The following MAST3 variants were observed in gnomAD, a reference collection of about 807,000 sequenced individuals.
The protein encoded by MAST3 is microtubule associated serine/threonine kinase 3.
A neutral mutation model predicts 127.0 loss-of-function variants in MAST3; 43 were observed. That is an observed-to-expected ratio of 0.34 (90% confidence interval 0.27 to 0.44). The LOEUF (loss-of-function observed/expected upper bound fraction) is 0.44. Among genes scored for constraint, MAST3 ranks in the 20% least tolerant of loss-of-function variants. The pLI, the probability that MAST3 is intolerant of heterozygous loss-of-function variation, is 1.00. For missense variants in MAST3, 1,390 were observed against 1,919.1 expected (o/e 0.72, Z 5.15); for synonymous variants, 785 against 809.2 (o/e 0.97, Z 0.51).
chr19:18,107,744 G>T, intron 2 of MAST3, 126 bp downstream of exon 2: 1 of 1,074,090 alleles, frequency 9.3e-7, no homozygotes, highest in Non-Finnish European at 1.4e-6. Flanking sequence ...GTTCATTCTT[G>T]CCCTCGTGTT....
At position 18,128,447 on chromosome 19, in the gene MAST3, G is replaced by C. The variant is rs1278924602; in HGVS notation, c.1126G>C (p.Glu376Gln). The change falls in exon 12 of 28, where the codon GAG (glutamate) becomes CAG (glutamine). Residue 376 changes from glutamate to glutamine, a missense_variant. By Grantham distance (29) the Glu-to-Gln change is conservative (BLOSUM62 2). Around this residue, in one of 5 missense-constraint regions of MAST3, gnomAD observed 277 missense variants for 384.8 expected, o/e 0.72. Transcript: ENST00000687212. The stretch of plus-strand genomic sequence containing the variant: ...CGAAGAAGAACAGCCCCCAGCACCT[G>C]AGTCCCCAGAGGTGAGTAGCAGAGG... Reference protein sequence around the residue: ...HLEEEQPPAPESPESRALVGQ... With the variant: ...HLEEEQPPAPQSPESRALVGQ... 6.4e-7 allele frequency: 1 copy of C among 1,555,828 alleles called. No homozygotes were observed. The highest frequency in any genetic ancestry group is 1.4e-5 in the African/African-American group (1 of 73,202).
Position 18,143,953 on chromosome 19 carries a change from C to T in MAST3, c.2530C>T (p.Pro844Ser), listed in dbSNP as rs774842710. 3 of 1,605,182 alleles carry T rather than the reference C, an allele frequency of 1.9e-6. No homozygotes were observed. The highest frequency in any genetic ancestry group is 3.4e-5 in the Admixed American group (2 of 58,324). The change falls in exon 22 of 28, where the codon CCT becomes TCT. Residue 844 changes from proline to serine, a missense_variant. Pro to Ser is a moderately conservative substitution (Grantham distance 74). Coordinates refer to ENST00000687212, the MANE Select transcript of MAST3 (RefSeq NM_001393504.1). ...GAGGCCCGTCTTCATTCTAGGGGAGCCTGACCCCCCACCAGCGGCCACCCC... is the reference window on the plus strand; with the variant it reads ...GAGGCCCGTCTTCATTCTAGGGGAGTCTGACCCCCCACCAGCGGCCACCCC... ...PKRPVFILGE[P>S]DPPPAATPVM...
intron 1 of MAST3, among the ~76,000 whole-genome samples, chr19:18,106,708 A>T (rs2038094824): frequency 6.6e-6 from 1 of 151,424 alleles, no homozygotes; most frequent in South Asian, 2.1e-4. Context: ...AGTAGCTGGA[A>T]TTACAGGCAC....
chr19:18,108,050 G>A (rs971391774), intron 2 of MAST3, among the ~76,000 whole-genome samples: 7 of 152,124 alleles, frequency 4.6e-5, no homozygotes, highest in Non-Finnish European at 7.4e-5. Flanking sequence ...CAGCACTTTG[G>A]AAGGCTGAGG....
At chr19:18,139,193 TG>T (rs2042188500) in intron 20 of MAST3, 69 bp downstream of exon 20, 2 of 1,219,980 alleles carry the variant, frequency 1.6e-6, no homozygotes, top group African/African-American at 3.0e-5. Flanking sequence ...CTTTCGTATC[TG>T]TTTTTTGATT....
chr19:18,123,072 G>A (rs1336388297), intron 6 of MAST3, 145 bp from the exon 7 acceptor site: 1 of 881,808 alleles, frequency 1.1e-6, no homozygotes, highest in Middle Eastern at 2.3e-4. Flanking sequence ...CTAGGGTTTT[G>A]AGGGATGCAT....
intron 3 of MAST3, among the ~76,000 whole-genome samples, chr19:18,111,552 T>TTTTTTTTG (rs2038638116): frequency 7.2e-6 from 1 of 137,934 alleles, no homozygotes; most frequent in South Asian, 2.2e-4. Context: ...TTTTTTTTTT[T>TTTTTTTTG]GAGGCAGAGT....
intron 27 of MAST3, among the ~76,000 whole-genome samples, chr19:18,148,139 T>G (rs778665088): frequency 4.6e-4 from 70 of 151,998 alleles, no homozygotes; most frequent in Non-Finnish European, 9.0e-4. Context: ...CCGTCTGTAC[T>G]AAAAATACAA....
chr19:18,106,054 A>G (rs1195818802), intron 1 of MAST3, among the ~76,000 whole-genome samples: 1 of 152,156 alleles, frequency 6.6e-6, no homozygotes, highest in African/African-American at 2.4e-5. Flanking sequence ...ATACTTCTTC[A>G]TAAATACAAC....
Position 18,110,567 on chromosome 19 carries a change from A to C in MAST3, c.72-85A>C. On this transcript the variant is annotated intron_variant, in intron 2 of 27. Transcript: ENST00000687212. This position sits in a 1 kb window ranked among gnomAD's most constrained non-coding sequence, Gnocchi z 4.3. ...TCTTGGGCCCCTACTCCCTGAGGGAACCGCAGCCGCCATCCGGAGATCCGG... is the reference window on the plus strand; with the variant it reads ...TCTTGGGCCCCTACTCCCTGAGGGACCCGCAGCCGCCATCCGGAGATCCGG... 1 of 855,298 alleles carries C rather than the reference A, an allele frequency of 1.2e-6. No individual in the cohort carries two copies. The highest frequency in any genetic ancestry group is 1.4e-6 in the Non-Finnish European group (1 of 710,784). 53.0% of individuals were successfully genotyped at this position (855,298 alleles called of 1,614,324 possible).
Position 18,104,265 on chromosome 19 carries a change from G to A in MAST3, c.40-3322G>A, listed in dbSNP as rs368847962. ...GGAAGAAGGAGACCCTAATGGCCAC[G>A]GTGATGGTGGTGATGGTTCCATCAC... On this transcript the variant is annotated intron_variant, in intron 1 of 27. Transcript: ENST00000687212. Among the ~76,000 whole-genome samples the A allele has an allele frequency of 2.2e-4, 33 of 149,700 alleles. No homozygotes were observed. In the East Asian group the frequency reaches 5.1e-3, roughly 23 times the overall value.
rs765691434 is a variant in MAST3 at position 18,137,279 on chromosome 19, C to A, written c.2013C>A (p.Ala671=). The A allele has an allele frequency of 6.2e-7, 1 of 1,613,818 alleles. No homozygotes were observed. The highest frequency in any genetic ancestry group is 2.2e-5 in the East Asian group (1 of 44,874). ...HEVKQHPFFL[A]LDWAGLLRHK... Reference sequence around the variant, plus strand: ...TGAAGCAGCACCCCTTTTTCCTGGCCCTGGACTGGGCAGGGCTTCTCCGAC... The same window carrying A: ...TGAAGCAGCACCCCTTTTTCCTGGCACTGGACTGGGCAGGGCTTCTCCGAC... The change falls in exon 19 of 28, where the codon GCC becomes GCA. Residue 671 remains alanine (A), a synonymous_variant. Transcript: ENST00000687212.
At position 18,149,180 on chromosome 19, in the gene MAST3, A is replaced by G. The variant is rs750840854; in HGVS notation, c.3509-11A>G. On this transcript the variant is annotated splice_polypyrimidine_tract_variant and intron_variant, in intron 27 of 27. Coordinates refer to ENST00000687212, the MANE Select transcript of MAST3 (RefSeq NM_001393504.1). The surrounding 1 kb of genome is among the most constrained non-coding windows in gnomAD (Gnocchi z 5.9). Reference sequence around the variant, plus strand: ...AGGCCAGCAGCCCTGACCTACGCTTATCACCCACAGATACCACTGCATCCC... The same window carrying G: ...AGGCCAGCAGCCCTGACCTACGCTTGTCACCCACAGATACCACTGCATCCC... 3 of 1,491,328 alleles carry G rather than the reference A, an allele frequency of 2.0e-6. No homozygotes were observed. Among genetic ancestry groups the G allele is most frequent in the South Asian group, 1.3e-5 (1 of 74,350 alleles). The allele number at this position is 1,491,328 out of a possible 1,614,324, so 92.4% of individuals were successfully genotyped here.
At chr19:18,124,546 T>C in intron 10 of MAST3, 96 bp from the exon 11 acceptor site, 1 of 1,465,286 alleles carries the variant, frequency 6.8e-7, no homozygotes, top group Non-Finnish European at 9.2e-7. Context: ...ACCCAGTGGG[T>C]GAGCTGGGAA....
At chr19:18,137,603 A>G (rs660159) in intron 19 of MAST3, among the ~76,000 whole-genome samples, 54 of 152,180 alleles carry the variant, frequency 3.5e-4, no homozygotes, top group African/African-American at 1.2e-3. Flanking sequence ...AGGAGAAACC[A>G]AGGCACCAAG....
At chr19:18,097,868 C>A in intron 1 of MAST3, 37 bp downstream of exon 1, 4 of 1,222,344 alleles carry the variant, frequency 3.3e-6, no homozygotes, top group Non-Finnish European at 4.1e-6. Context: ...AGGCAGAGGG[C>A]GCGGCCAAGT....
Position 18,146,864 on chromosome 19 carries a change from C to T in MAST3, c.3163-17C>T. 1.3e-6 allele frequency: 2 copies of T among 1,539,924 alleles called. No individual in the cohort carries two copies. Among genetic ancestry groups the T allele is most frequent in the Non-Finnish European group, 1.8e-6 (2 of 1,138,656 alleles). On this transcript the variant is annotated splice_polypyrimidine_tract_variant and intron_variant, in intron 25 of 27. Transcript: ENST00000687212. ...TGTGAGAGGCACAGAGGCAACCCCT[C>T]ACCATCCCTCCCGCAGAGCGGCAAC... is the stretch of plus-strand genomic sequence containing the variant.
At position 18,149,488 on chromosome 19, in the gene MAST3, A is replaced by G. The variant is rs747295517; in HGVS notation, c.3806A>G (p.Glu1269Gly). ...TCAGCTGACAAGCTGGGCACAGGGG[A>G]GCGGCTGGATGGGGAGGCGGGGCGG... is the stretch of plus-strand genomic sequence containing the variant. Reference protein sequence around the residue: ...GQSADKLGTGERLDGEAGRRT... With the variant: ...GQSADKLGTGGRLDGEAGRRT... The change falls in exon 28 of 28, where the codon GAG (glutamate) becomes GGG (glycine). Residue 1269 changes from glutamate to glycine, a missense_variant. Coordinates refer to ENST00000687212, the MANE Select transcript of MAST3 (RefSeq NM_001393504.1). The surrounding 1 kb of genome is among the most constrained non-coding windows in gnomAD (Gnocchi z 5.9). The G allele has an allele frequency of 2.4e-5, 37 of 1,545,014 alleles. No homozygotes were observed. Among genetic ancestry groups the G allele is most frequent in the African/African-American group, 1.4e-5 (1 of 72,924 alleles).
intron 19 of MAST3, among the ~76,000 whole-genome samples, 163 bp from the exon 20 acceptor site, chr19:18,138,852 G>T (rs1258353103): frequency 6.6e-6 from 1 of 152,090 alleles, no homozygotes; most frequent in Admixed American, 6.6e-5. Context: ...CTGCTCTGCC[G>T]CCCAAGCCTC....
Sources: allele counts gnomAD v4.1 joint callset (sites outside exome capture counted in the v4.1 genomes callset), GRCh38; gene constraint gnomAD v4.1.1; regional missense constraint gnomAD v4.1.1; non-coding constraint Gnocchi (gnomAD v3.1); transcripts MANE v1.5; gene names NCBI Gene and HGNC (gene_info 2026-07-23, HGNC 2026-07-21).